Variants in DNAH7 observed in about 807,000 individuals in gnomAD.
DNAH7 encodes the protein dynein axonemal heavy chain 7, also known as axonemal beta dynein heavy chain 7.
DNAH7 carries 397 observed loss-of-function variants against 444.6 expected under a neutral mutation model. The ratio of observed to expected loss-of-function variants is 0.89; its 90% CI spans 0.82 to 0.97. The LOEUF is 0.97. Ranked by LOEUF, DNAH7 falls within the 50% of genes least tolerant of loss-of-function variation. The pLI is 0.00. For synonymous variants in DNAH7, 1,636 were observed against 1,624.4 expected, an observed-to-expected ratio of 1.01 and a Z score of -0.17; for missense variants, 4,902 against 4,800.8, an observed-to-expected ratio of 1.02 and a Z score of -0.62.
chr2:195,939,844 G>A (rs972545457), intron 19 of DNAH7, among the ~76,000 whole-genome samples: 1 of 151,084 alleles, frequency 6.6e-6, no homozygotes, highest in African/African-American at 2.4e-5. Context: ...AGAAAATACG[G>A]TTTTGTCACT....
At chr2:195,845,357 A>G (rs1170197276) in intron 46 of DNAH7, among the ~76,000 whole-genome samples, 192 bp from the exon 47 acceptor site, 1 of 152,234 alleles carries the variant, frequency 6.6e-6, no homozygotes, top group African/African-American at 2.4e-5. Context: ...CTATGTACTC[A>G]ACATATTCAA....
intron 51 of DNAH7, among the ~76,000 whole-genome samples, chr2:195,811,712 C>A (rs1696977475): frequency 6.6e-6 from 1 of 152,176 alleles, no homozygotes; most frequent in East Asian, 1.9e-4. Flanking sequence ...TTGTGCAACT[C>A]CTAAAACTTA....
chr2:195,745,479 C>T (rs1390321972), intron 63 of DNAH7, among the ~76,000 whole-genome samples: 1 of 152,152 alleles, frequency 6.6e-6, no homozygotes, highest in East Asian at 1.9e-4. Flanking sequence ...GGCAGGCCAA[C>T]ATTCAGATTC....
intron 25 of DNAH7, 126 bp from the exon 26 acceptor site, chr2:195,907,135 ATCTT>A: frequency 4.5e-6 from 3 of 670,012 alleles, no homozygotes; most frequent in Non-Finnish European, 7.4e-6. Context: ...ATTCGCCTTT[ATCTT>A]TAAAGGCAGC....
intron 16 of DNAH7, among the ~76,000 whole-genome samples, chr2:195,970,566 T>C (rs1228755047): frequency 6.6e-6 from 1 of 152,180 alleles, no homozygotes; most frequent in Non-Finnish European, 1.5e-5. Flanking sequence ...TAAAGCAAGA[T>C]ATTCCAAGGT....
intron 24 of DNAH7, among the ~76,000 whole-genome samples, chr2:195,917,164 T>C (rs1333831712): frequency 1.3e-5 from 2 of 148,876 alleles, no homozygotes; most frequent in South Asian, 4.3e-4. Flanking sequence ...CAAAGTGAGA[T>C]TCCATCTCAA....
intron 9 of DNAH7, 117 bp from the exon 10 acceptor site, chr2:196,013,023 G>A (rs1320415714): frequency 1.5e-6 from 1 of 681,194 alleles, no homozygotes; most frequent in Non-Finnish European, 2.2e-6. Context: ...TAAAAATTGT[G>A]TTCTATATAA....
intron 46 of DNAH7, 107 bp from the exon 47 acceptor site, chr2:195,845,272 T>G: frequency 2.4e-6 from 2 of 844,208 alleles, no homozygotes. Flanking sequence ...CAAACCATTG[T>G]GGAAACTCTA....
chr2:195,911,028 C>A (rs935544784), intron 24 of DNAH7, among the ~76,000 whole-genome samples: 4 of 152,098 alleles, frequency 2.6e-5, no homozygotes, highest in African/African-American at 9.7e-5. Context: ...TTATGGACAC[C>A]TCCACGGGTG....
chr2:195,763,075 A>G (rs928990098), intron 61 of DNAH7, among the ~76,000 whole-genome samples: 1 of 152,170 alleles, frequency 6.6e-6, no homozygotes, highest in Non-Finnish European at 1.5e-5. Flanking sequence ...AAACTATACA[A>G]ATACATGGAA....
At position 195,740,789 on chromosome 2, in the gene DNAH7, T is replaced by C. The variant is rs1376759203; in HGVS notation, c.11845A>G (p.Ile3949Val). 4 of 1,552,596 alleles carry C rather than the reference T, an allele frequency of 2.6e-6. No homozygotes were observed. Among genetic ancestry groups the C allele is most frequent in the South Asian group, 1.3e-5 (1 of 78,492 alleles). ...ACCACAGGCACTGTATCATAAAGAA[T>C]TTTGGGATGCGATTCTGCAAGTTTC... ...IKKLAESHPK[I>V]LYDTVPVMWL... The change falls in exon 64 of 65, where the codon ATT becomes GTT. Residue 3949 changes from isoleucine to valine, a missense_variant. Physicochemically the swap from Ile to Val is conservative, Grantham distance 29 (BLOSUM62 3). Coordinates refer to ENST00000312428, the MANE Select transcript of DNAH7 (RefSeq NM_018897.3).
chr2:195,744,936 A>G (rs1013694154), intron 63 of DNAH7, among the ~76,000 whole-genome samples: 1 of 152,222 alleles, frequency 6.6e-6, no homozygotes, highest in African/African-American at 2.4e-5. Context: ...GAAACTTTAA[A>G]AAGCAGAGCG....
intron 9 of DNAH7, among the ~76,000 whole-genome samples, chr2:196,018,378 A>G (rs1191600657): frequency 2.0e-5 from 3 of 152,168 alleles, no homozygotes; most frequent in Non-Finnish European, 4.4e-5. Flanking sequence ...ATACTAAAAT[A>G]AAAACATAAA....
rs371536291 is a variant in DNAH7, at chr2:195,791,339, C to T, written c.10716+2999G>A. ...AAAATTAGCCGGGCGAGGTGGCGGG[C>T]GCCTGTAGTCCCAGCTACTCGGGAG... is the stretch of plus-strand genomic sequence containing the variant. On this transcript the variant is annotated intron_variant, in intron 57 of 64. Transcript: ENST00000312428. Among the ~76,000 whole-genome samples, 83 of 144,252 alleles carry T rather than the reference C, an allele frequency of 5.8e-4. No homozygotes were observed. In the Middle Eastern group the frequency reaches 0.011, roughly 18 times the overall value. 94.6% of individuals were successfully genotyped at this position (144,252 alleles called of 152,430 possible). A position where few individuals can be genotyped will look rare whatever the true frequency, so the allele number is the denominator to read the frequency against.
rs1184977757 is a variant in DNAH7, at chr2:195,957,272, T to C, written c.3067A>G (p.Ser1023Gly). ...ATTTTTTCACCTACCTGCATGACAC[T>C]TCTCATTATATCTCTCCATGTCTTA... is the stretch of plus-strand genomic sequence containing the variant. ...VDKTWRDIMR[S>G]VMQDKHVLTV... Residue 1023 changes from serine to glycine, a missense_variant, in exon 19 of 65, where the codon AGT (serine) becomes GGT (glycine). By Grantham distance (56) the Ser-to-Gly change is moderately conservative. Transcript: ENST00000312428. 2 of 1,539,994 alleles carry C rather than the reference T, an allele frequency of 1.3e-6. No individual in the cohort carries two copies. The highest frequency in any genetic ancestry group is 1.8e-6 in the Non-Finnish European group (2 of 1,133,050).
At chr2:196,001,301 T>C (rs1271900588) in intron 11 of DNAH7, among the ~76,000 whole-genome samples, 1 of 152,244 alleles carries the variant, frequency 6.6e-6, no homozygotes, top group African/African-American at 2.4e-5. Context: ...TTCCCAATTA[T>C]GTGAATTTTC....
At position 195,858,541 on chromosome 2, in the gene DNAH7, G is replaced by C; in HGVS notation, c.8000C>G (p.Ala2667Gly). The C allele has an allele frequency of 6.2e-7, 1 of 1,613,860 alleles. No individual in the cohort carries two copies. Among genetic ancestry groups the C allele is most frequent in the Admixed American group, 1.7e-5 (1 of 59,924 alleles). ...ASKAIKDECDADLAGALPILE... is the reference protein window; with the variant it reads ...ASKAIKDECDGDLAGALPILE... ...TATTGGCAAGGCACCTGCCAGGTCA[G>C]CATCGCACTCATCTTTGATGGCTTT... Residue 2667 changes from alanine (A) to glycine (G), a missense_variant, in exon 43 of 65, where the codon GCT becomes GGT. Ala to Gly is a moderately conservative substitution (Grantham distance 60). Transcript: ENST00000312428.
chr2:195,825,578 T>TA (rs928027046), intron 48 of DNAH7, among the ~76,000 whole-genome samples: 44 of 152,194 alleles, frequency 2.9e-4, no homozygotes, highest in Middle Eastern at 3.4e-3. Flanking sequence ...AACACTGTAT[T>TA]AAAAAAAACT....
intron 21 of DNAH7, among the ~76,000 whole-genome samples, chr2:195,930,394 G>A (rs1438613581): frequency 6.6e-6 from 1 of 152,008 alleles, no homozygotes; most frequent in Non-Finnish European, 1.5e-5. Context: ...CTCCAAAGAA[G>A]ACATACTAGT....
Sources: allele counts gnomAD v4.1 joint callset (sites outside exome capture counted in the v4.1 genomes callset), GRCh38; gene constraint gnomAD v4.1.1; transcripts MANE v1.5; gene names NCBI Gene and HGNC (gene_info 2026-07-23, HGNC 2026-07-21).